Variants in TTC14 observed in about 807,000 individuals in gnomAD.
The protein encoded by TTC14 is tetratricopeptide repeat protein 14.
In TTC14, 63 loss-of-function variants were observed where a neutral mutation model predicts 79.9. The observed-to-expected ratio is 0.79, with a 90% CI of 0.64 to 0.97. TTC14 has a LOEUF of 0.97. Ranked by LOEUF, TTC14 falls within the 50% of genes least tolerant of loss-of-function variation. The pLI is 0.00. For synonymous variants in TTC14, 335 were observed against 309.6 expected, an observed-to-expected ratio of 1.08 and a Z score of -0.86; for missense variants, 895 against 894.0, an observed-to-expected ratio of 1.00 and a Z score of -0.01.
intron 3 of TTC14, chr3:180,603,844 G>A (rs894840468): frequency 4.2e-6 from 1 of 237,618 alleles, no homozygotes; most frequent in African/African-American, 2.3e-5. Flanking sequence ...CAGATAAAAA[G>A]GAAGAAAAGC....
intron 3 of TTC14, chr3:180,603,597 G>C: frequency 2.4e-6 from 1 of 412,916 alleles, no homozygotes; most frequent in Non-Finnish European, 4.4e-6. Flanking sequence ...ACGTGGTGAG[G>C]TTGATTGATA....
intron 3 of TTC14, 111 bp downstream of exon 3, chr3:180,603,434 G>A: frequency 2.1e-6 from 2 of 942,384 alleles, no homozygotes; most frequent in East Asian, 2.5e-5. Flanking sequence ...AGATGCTTTT[G>A]GAAATTAAAT....
intron 1 of TTC14, 47 bp from the exon 2 acceptor site, chr3:180,602,844 G>A (rs1037656366): frequency 6.3e-7 from 1 of 1,575,770 alleles, no homozygotes; most frequent in Non-Finnish European, 8.6e-7. Context: ...GAAGTAAAGA[G>A]GCTTTGCAGA....
intron 9 of TTC14, 90 bp downstream of exon 9, chr3:180,606,693 C>T: frequency 1.4e-6 from 2 of 1,425,684 alleles, no homozygotes; most frequent in South Asian, 1.4e-5. Context: ...TTCTTAAGCA[C>T]TTAATTTATA....
chr3:180,602,572 G>T, intron 1 of TTC14, 150 bp downstream of exon 1: 1 of 1,109,418 alleles, frequency 9.0e-7, no homozygotes, highest in South Asian at 1.6e-5. Flanking sequence ...TGGGTGGACG[G>T]GGGGCGCTCC....
intron 12 of TTC14, chr3:180,616,608 T>G: frequency 6.3e-7 from 1 of 1,597,862 alleles, no homozygotes; most frequent in South Asian, 1.1e-5. Flanking sequence ...TGAAACTGTT[T>G]CATTTCACGA....
chr3:180,604,810 A>G (rs1291061579), intron 5 of TTC14, 42 bp from the exon 6 acceptor site: 2 of 1,564,096 alleles, frequency 1.3e-6, no homozygotes, highest in Admixed American at 1.9e-5. Flanking sequence ...ATGGAATGTC[A>G]AATTAGTCAT....
In TTC14 at chr3:180,607,665, A is replaced by G; in HGVS notation, c.1190A>G (p.Lys397Arg). ...ERGGQLEEEE[K>R]FLNAESYYKK... ...AAATTTAGGTTAGAAGAAGAAGAAA[A>G]GTTTTTAAATGCTGAAAGTTACTAT... Residue 397 changes from lysine (K) to arginine (R), a missense_variant, in exon 10 of 12, where the codon AAG becomes AGG. Coordinates refer to ENST00000296015, the MANE Select transcript of TTC14 (RefSeq NM_133462.4). 1 of 1,601,674 alleles carries G rather than the reference A, an allele frequency of 6.2e-7. No homozygotes were observed. Among genetic ancestry groups the G allele is most frequent in the Non-Finnish European group, 8.5e-7 (1 of 1,176,340 alleles).
Position 180,609,626 on chromosome 3 carries a change from T to G in TTC14, c.1401-4T>G. The G allele has an allele frequency of 6.5e-7, 1 of 1,538,068 alleles. No homozygotes were observed. The highest frequency in any genetic ancestry group is 8.7e-7 in the Non-Finnish European group (1 of 1,149,404). On this transcript the variant is annotated splice_region_variant and splice_polypyrimidine_tract_variant and intron_variant, in intron 11 of 11. Coordinates refer to ENST00000296015, the MANE Select transcript of TTC14 (RefSeq NM_133462.4). Reference sequence around the variant, plus strand: ...ATATATGACAAATGAACTGTTTTTTTTAGGCTAAAGAAGAAAAGAAGAAAA... The same window carrying G: ...ATATATGACAAATGAACTGTTTTTTGTAGGCTAAAGAAGAAAAGAAGAAAA...
At chr3:180,608,447 A>G (rs559586156) in intron 10 of TTC14, 3 of 1,030,656 alleles carry the variant, frequency 2.9e-6, no homozygotes, top group South Asian at 4.5e-5. Context: ...TACCACTGCA[A>G]TGGCTTCCCC....
At chr3:180,609,570 CT>C in intron 11 of TTC14, 59 bp from the exon 12 acceptor site, 4 of 1,432,208 alleles carry the variant, frequency 2.8e-6, no homozygotes, top group Non-Finnish European at 3.7e-6. Context: ...GGGCCCACAT[CT>C]TTATGAATAA....
At chr3:180,602,534 A>G (rs770516274) in intron 1 of TTC14, 112 bp downstream of exon 1, 2 of 1,370,198 alleles carry the variant, frequency 1.5e-6, no homozygotes, top group East Asian at 2.5e-5. Context: ...CCGTGAGCAC[A>G]GGACGATCGC....
At chr3:180,609,461 A>C (rs372487185) in intron 11 of TTC14, 169 bp from the exon 12 acceptor site, 2 of 1,300,334 alleles carry the variant, frequency 1.5e-6, no homozygotes, top group Non-Finnish European at 1.9e-6. Flanking sequence ...TTTTTCCCCC[A>C]AAAGTGCTTA....
rs1304311939 is a variant in TTC14, at chr3:180,606,362, C to T, written c.1039C>T (p.Arg347Cys). The T allele has an allele frequency of 3.1e-6, 5 of 1,613,830 alleles. No homozygotes were observed. Among genetic ancestry groups the T allele is most frequent in the African/African-American group, 2.7e-5 (2 of 74,888 alleles). Residue 347 changes from arginine (R) to cysteine (C), a missense_variant, in exon 8 of 12, where the codon CGT (arginine) becomes TGT (cysteine). Arg to Cys is a radical substitution (Grantham distance 180). Coordinates refer to ENST00000296015, the MANE Select transcript of TTC14 (RefSeq NM_133462.4). ...DKQNVEALVARGALYATKGSL... is the reference protein window; with the variant it reads ...DKQNVEALVACGALYATKGSL... Reference sequence around the variant, plus strand: ...ACAAAACGTGGAAGCTTTGGTAGCTCGTGGAGCATTGTAAGTGAATCATAC... The same window carrying T: ...ACAAAACGTGGAAGCTTTGGTAGCTTGTGGAGCATTGTAAGTGAATCATAC...
Position 180,607,631 on chromosome 3 carries a change from C to A in TTC14, c.1173-17C>A. ...TGTTGTTTTTACAAAAAAGCTAAATCTTTCTTTCAAATTTAGGTTAGAAGA... is the reference window on the plus strand; with the variant it reads ...TGTTGTTTTTACAAAAAAGCTAAATATTTCTTTCAAATTTAGGTTAGAAGA... On this transcript the variant is annotated splice_polypyrimidine_tract_variant and intron_variant, in intron 9 of 11. Transcript: ENST00000296015. 1 of 1,594,030 alleles carries A rather than the reference C, an allele frequency of 6.3e-7. No homozygotes were observed. Among genetic ancestry groups the A allele is most frequent in the South Asian group, 1.1e-5 (1 of 87,544 alleles).
downstream of TTC14, among the ~76,000 whole-genome samples, chr3:180,612,281 T>C (rs758961553): frequency 1.4e-4 from 22 of 152,190 alleles, no homozygotes; most frequent in Non-Finnish European, 2.8e-4. Context: ...CTTAATTAAT[T>C]CATATAAATT....
chr3:180,616,392 G>T (rs772684699), intron 12 of TTC14: 5 of 1,572,202 alleles, frequency 3.2e-6, no homozygotes, highest in Admixed American at 3.7e-5. Context: ...GCAATCATTA[G>T]TACTACCTAC....
At position 180,610,319 on chromosome 3, in the gene TTC14, G is replaced by C; in HGVS notation, c.2090G>C (p.Ser697Thr). Residue 697 changes from serine (S) to threonine (T), a missense_variant, in exon 12 of 12, where the codon AGT becomes ACT. Coordinates refer to ENST00000296015, the MANE Select transcript of TTC14 (RefSeq NM_133462.4). ...KYAHSGSRDF[S>T]RHEQRYRLNT... ...GCTCACTCTGGATCACGTGATTTCA[G>C]TAGACATGAGCAAAGATACCGTTTA... The C allele has an allele frequency of 6.2e-7, 1 of 1,613,300 alleles. No homozygotes were observed. Among genetic ancestry groups the C allele is most frequent in the Non-Finnish European group, 8.5e-7 (1 of 1,179,760 alleles).
At chr3:180,609,088 A>G (rs1716848836) in intron 11 of TTC14, 2 of 891,266 alleles carry the variant, frequency 2.2e-6, no homozygotes, top group African/African-American at 3.6e-5. Flanking sequence ...TTAGAACTAG[A>G]GCAGTGGTTC....
Sources: allele counts gnomAD v4.1 joint callset (sites outside exome capture counted in the v4.1 genomes callset), GRCh38; gene constraint gnomAD v4.1.1; transcripts MANE v1.5; gene names NCBI Gene and HGNC (gene_info 2026-07-23, HGNC 2026-07-21).